PLPPR5: variants seen among roughly 807,000 people sequenced by gnomAD.
PLPPR5 encodes the protein phospholipid phosphatase related 5.
In PLPPR5, 16 loss-of-function variants were observed where a neutral mutation model predicts 33.9. The observed-to-expected ratio is 0.47, with a 90% confidence interval of 0.32 to 0.72. The LOEUF (loss-of-function observed/expected upper bound fraction) is 0.72, where lower values mean the gene tolerates loss of function less well. Among genes scored for constraint, PLPPR5 ranks in the 30% least tolerant of loss-of-function variants. The pLI, the probability that PLPPR5 is intolerant of heterozygous loss-of-function variation, is 0.03. For synonymous variants in PLPPR5, 163 were observed against 150.3 expected, an observed-to-expected ratio of 1.08 and a Z score of -0.62; for missense variants, 301 against 406.7, an observed-to-expected ratio of 0.74 and a Z score of 2.23.
At chr1:98,958,904 C>A (rs1368905281) in intron 1 of PLPPR5, among the ~76,000 whole-genome samples, 3 of 152,180 alleles carry the variant, frequency 2.0e-5, no homozygotes, top group Non-Finnish European at 4.4e-5. Context: ...CTCTTCTCCA[C>A]TGCAGCTTCC....
At chr1:98,899,694 T>C (rs1397018607) in intron 5 of PLPPR5, among the ~76,000 whole-genome samples, 1 of 149,354 alleles carries the variant, frequency 6.7e-6, no homozygotes, top group African/African-American at 2.5e-5. Context: ...AATCTTGCTC[T>C]GTCGCCCAGG....
intron 5 of PLPPR5, among the ~76,000 whole-genome samples, chr1:98,908,646 TG>T (rs1253941389): frequency 4.6e-5 from 7 of 152,046 alleles, no homozygotes; most frequent in Non-Finnish European, 8.8e-5. Flanking sequence ...CTTGGGTGGA[TG>T]GGGGGTTTGT....
At chr1:98,991,648 C>G (rs868847462) in intron 1 of PLPPR5, among the ~76,000 whole-genome samples, 10 of 150,498 alleles carry the variant, frequency 6.6e-5, no homozygotes, top group Admixed American at 1.3e-4. Flanking sequence ...ATGAAACCAC[C>G]TAAGTTGTTC....
rs1471059117 is a variant in PLPPR5 at position 98,891,407 on chromosome 1, T to C, written c.*1665A>G. ...GTACTGTAAAGTTTAGAAAGATTCA[T>C]TTCAGTCAATTACTGCCAAAGTTAC... On this transcript the variant is annotated 3_prime_UTR_variant, in exon 6 of 6. Transcript: ENST00000263177. 1 of 152,132 alleles carries C rather than the reference T, an allele frequency of 6.6e-6. No homozygotes were observed. Among genetic ancestry groups the C allele is most frequent in the Non-Finnish European group, 1.5e-5 (1 of 68,014 alleles). 9.4% of individuals were successfully genotyped at this position (152,132 alleles called of 1,614,324 possible).
chr1:98,939,266 T>G (rs999122889), intron 3 of PLPPR5, among the ~76,000 whole-genome samples: 1 of 151,850 alleles, frequency 6.6e-6, no homozygotes, highest in Non-Finnish European at 1.5e-5. Flanking sequence ...CACATAGTTA[T>G]TACTGAAAAT....
At chr1:98,948,843 G>A (rs1344290148) in intron 3 of PLPPR5, among the ~76,000 whole-genome samples, 2 of 152,274 alleles carry the variant, frequency 1.3e-5, no homozygotes, top group South Asian at 2.1e-4. Flanking sequence ...TCAACCCTAC[G>A]TATCCTGACA....
At chr1:98,916,727 C>T (rs1055994094) in intron 4 of PLPPR5, among the ~76,000 whole-genome samples, 1 of 152,136 alleles carries the variant, frequency 6.6e-6, no homozygotes, top group African/African-American at 2.4e-5. Context: ...TTTTGGCCAA[C>T]AATAACAACG....
chr1:98,978,660 C>A (rs1296507168), intron 1 of PLPPR5, among the ~76,000 whole-genome samples: 1 of 151,986 alleles, frequency 6.6e-6, no homozygotes, highest in Non-Finnish European at 1.5e-5. Context: ...TAATCTGTTT[C>A]TTCTTCTGCA....
At position 99,004,725 on chromosome 1, in the gene PLPPR5, G is replaced by GC; in HGVS notation, c.-55dup. ...GCCGAGCGGGCGGTCGACGCGGTGGGCCCCCTCCCCGGTCCGCCGAGGCAG... is the reference window on the plus strand; with the variant it reads ...GCCGAGCGGGCGGTCGACGCGGTGGGCCCCCCTCCCCGGTCCGCCGAGGCAG... On this transcript the variant is annotated 5_prime_UTR_variant, in exon 1 of 6. Transcript: ENST00000263177. 1 of 1,242,382 alleles carries GC rather than the reference G, an allele frequency of 8.0e-7. No individual in the cohort carries two copies. The highest frequency in any genetic ancestry group is 1.0e-6 in the Non-Finnish European group (1 of 960,864). The allele number at this position is 1,242,382 out of a possible 1,614,324, so 77.0% of individuals were successfully genotyped here. A position where few individuals can be genotyped will look rare whatever the true frequency, so the allele number is the denominator to read the frequency against.
Position 98,892,931 on chromosome 1 carries a change from A to G in PLPPR5, c.*141T>C, listed in dbSNP as rs932034499. 1.2e-5 allele frequency: 10 copies of G among 806,542 alleles called. No individual in the cohort carries two copies. The highest frequency in any genetic ancestry group is 3.6e-5 in the African/African-American group (2 of 54,966). The allele number at this position is 806,542 out of a possible 1,614,324, so 50.0% of individuals were successfully genotyped here. A position where few individuals can be genotyped will look rare whatever the true frequency, so the allele number is the denominator to read the frequency against. ...TCACAGTCTAGTGGGGGAAACAGATAGGTTGACATTGATTTTAAAATTATA... is the reference window on the plus strand; with the variant it reads ...TCACAGTCTAGTGGGGGAAACAGATGGGTTGACATTGATTTTAAAATTATA... On this transcript the variant is annotated 3_prime_UTR_variant, in exon 6 of 6. Transcript: ENST00000263177.
At chr1:98,957,488 T>G (rs980584054) in intron 1 of PLPPR5, among the ~76,000 whole-genome samples, 3 of 152,024 alleles carry the variant, frequency 2.0e-5, no homozygotes, top group African/African-American at 7.2e-5. Context: ...CCATGTTTTA[T>G]TTTTTTAAGT....
intron 3 of PLPPR5, among the ~76,000 whole-genome samples, chr1:98,930,886 C>T (rs1649942077): frequency 6.6e-6 from 1 of 152,112 alleles, no homozygotes; most frequent in Non-Finnish European, 1.5e-5. Flanking sequence ...GAGTCCCCAC[C>T]CAGCTTCCAA....
chr1:98,901,749 C>T (rs1347689376), intron 5 of PLPPR5, among the ~76,000 whole-genome samples: 2 of 152,006 alleles, frequency 1.3e-5, no homozygotes, highest in African/African-American at 2.4e-5. Flanking sequence ...TAAAAGTGTT[C>T]ATGCTCTGTT....
Position 99,004,486 on chromosome 1 carries a change from G to A in PLPPR5, c.186C>T (p.Ala62=), listed in dbSNP as rs757378930. 1.2e-6 allele frequency: 2 copies of A among 1,612,766 alleles called. No homozygotes were observed. Among genetic ancestry groups the A allele is most frequent in the East Asian group, 4.5e-5 (2 of 44,798 alleles). Reference sequence around the variant, plus strand: ...GCGAGTAGAGGAGCACGGGGGGCACGGCGCTGCTGTCCTCCGGGCCCGGGT... The same window carrying A: ...GCGAGTAGAGGAGCACGGGGGGCACAGCGCTGCTGTCCTCCGGGCCCGGGT... The part of the protein sequence containing the change: ...KPYPGPEDSS[A]VPPVLLYSLA... The change falls in exon 1 of 6, where the codon GCC becomes GCT. Residue 62 remains alanine (A), a synonymous_variant. Coordinates refer to ENST00000263177, the MANE Select transcript of PLPPR5 (RefSeq NM_001037317.2).
chr1:98,914,826 GGAATGCT>G lies in PLPPR5; in HGVS notation c.886_892del (p.Ser296LeufsTer3). 2 of 1,613,066 alleles carry G rather than the reference GGAATGCT, an allele frequency of 1.2e-6. No homozygotes were observed. Among genetic ancestry groups the G allele is most frequent in the Non-Finnish European group, 1.7e-6 (2 of 1,179,600 alleles). Reference sequence around the variant, plus strand: ...CTTTTCCAAAGGACTTTCTACTCGAGGAATGCTGATCATTGGCATCTGTGCCAGATTA... The same window carrying G: ...CTTTTCCAAAGGACTTTCTACTCGAGGATCATTGGCATCTGTGCCAGATTA... On this transcript the variant is annotated frameshift_variant, in exon 5 of 6. Coordinates refer to ENST00000263177, the MANE Select transcript of PLPPR5 (RefSeq NM_001037317.2). LOFTEE classifies it high-confidence loss of function.
At chr1:98,976,173 G>A (rs1406036130) in intron 1 of PLPPR5, among the ~76,000 whole-genome samples, 1 of 144,606 alleles carries the variant, frequency 6.9e-6, no homozygotes, top group African/African-American at 2.6e-5. Flanking sequence ...CATATAAAAT[G>A]AGCTAACAAA....
At chr1:98,901,216 G>A (rs1354347504) in intron 5 of PLPPR5, among the ~76,000 whole-genome samples, 1 of 152,122 alleles carries the variant, frequency 6.6e-6, no homozygotes, top group Non-Finnish European at 1.5e-5. Flanking sequence ...CAAAATGCAT[G>A]AGTCCACTTA....
In PLPPR5 at chr1:98,973,721, G is replaced by A. The variant is rs190084831; in HGVS notation, c.238-16980C>T. ...AATATAAATGGAGTCTCAGAGGAGG[G>A]GAAGTATAGAATGTACTTGAAGAAC... is the stretch of plus-strand genomic sequence containing the variant. On this transcript the variant is annotated intron_variant, in intron 1 of 5. Coordinates refer to ENST00000263177, the MANE Select transcript of PLPPR5 (RefSeq NM_001037317.2). Among the ~76,000 whole-genome samples, 9 of 152,044 alleles carry A rather than the reference G, an allele frequency of 5.9e-5. No individual in the cohort carries two copies. In the East Asian group the frequency reaches 1.4e-3, roughly 23 times the overall value.
chr1:98,932,192 C>T (rs180875255), intron 3 of PLPPR5, among the ~76,000 whole-genome samples: 63 of 152,302 alleles, frequency 4.1e-4, no homozygotes, highest in Non-Finnish European at 8.1e-4. Context: ...CCTGCTTTCT[C>T]GTGGAAACAC....
Sources: gnomAD v4.1 joint callset for allele counts (sites outside exome capture counted in the v4.1 genomes callset) on GRCh38, gnomAD v4.1.1 for gene constraint, MANE v1.5 for transcripts, NCBI Gene and HGNC (gene_info 2026-07-23, HGNC 2026-07-21) for gene names.